RNF11: variants seen among roughly 807,000 people sequenced by gnomAD.
RNF11 encodes the protein ring finger protein 11.
In RNF11, 4 loss-of-function variants were observed where a neutral mutation model predicts 15.8. That is an observed-to-expected ratio of 0.25 (90% CI 0.12 to 0.58). RNF11 has a LOEUF of 0.58. Among genes scored for constraint, RNF11 ranks in the 20% least tolerant of loss-of-function variants. The probability of loss-of-function intolerance (pLI) is 0.91; values close to 1 mark genes in which losing one functional copy is unlikely to be tolerated. For missense variants in RNF11, 139 were observed against 194.4 expected (o/e 0.71, Z 1.70); for synonymous variants, 68 against 72.3 (o/e 0.94, Z 0.30).
intron 1 of RNF11, among the ~76,000 whole-genome samples, chr1:51,249,527 T>C (rs890691638): frequency 2.5e-4 from 38 of 152,226 alleles, no homozygotes; most frequent in African/African-American, 8.9e-4. Context: ...AAGGTAACTG[T>C]TGGTCCTTAT....
At chr1:51,247,421 G>A (rs554318482) in intron 1 of RNF11, among the ~76,000 whole-genome samples, 1 of 151,690 alleles carries the variant, frequency 6.6e-6, no homozygotes, top group South Asian at 2.1e-4. Flanking sequence ...GGTTCCTCAG[G>A]TTAAATGGAA....
At chr1:51,253,446 C>T (rs926441942) in intron 1 of RNF11, among the ~76,000 whole-genome samples, 2 of 151,278 alleles carry the variant, frequency 1.3e-5, no homozygotes. Flanking sequence ...TCACTTGAGC[C>T]CAGGAGCTCG....
At chr1:51,269,912 G>A (rs1381358133) in intron 1 of RNF11, 44 bp from the exon 2 acceptor site, 2 of 1,556,556 alleles carry the variant, frequency 1.3e-6, no homozygotes, top group African/African-American at 2.8e-5. Context: ...CCCTCGAAAG[G>A]TTTTTAAAAA....
At chr1:51,264,347 A>G (rs1646946050) in intron 1 of RNF11, among the ~76,000 whole-genome samples, 1 of 137,276 alleles carries the variant, frequency 7.3e-6, no homozygotes, top group Non-Finnish European at 1.5e-5. Flanking sequence ...CACATTTATC[A>G]GGAAGATAGA....
chr1:51,250,589 C>T, intron 1 of RNF11: 4 of 624,824 alleles, frequency 6.4e-6, no homozygotes, highest in Non-Finnish European at 1.1e-5. Context: ...TTTTCCTTGT[C>T]TAAAAACCCT....
chr1:51,265,455 T>C (rs911822178), intron 1 of RNF11, among the ~76,000 whole-genome samples: 1 of 152,240 alleles, frequency 6.6e-6, no homozygotes, highest in Non-Finnish European at 1.5e-5. Context: ...TTTTAAATTA[T>C]TCCTTTTCTC....
chr1:51,256,421 A>G (rs1292768546), intron 1 of RNF11, among the ~76,000 whole-genome samples: 1 of 152,244 alleles, frequency 6.6e-6, no homozygotes, highest in Non-Finnish European at 1.5e-5. Flanking sequence ...GTGCTGAATA[A>G]CATTCCATTT....
At chr1:51,239,169 C>T (rs918825981) in intron 1 of RNF11, among the ~76,000 whole-genome samples, 1 of 152,174 alleles carries the variant, frequency 6.6e-6, no homozygotes, top group South Asian at 2.1e-4. Context: ...CCTCCTATCC[C>T]CTTTCTTAAT....
intron 1 of RNF11, among the ~76,000 whole-genome samples, chr1:51,238,809 A>C (rs1646816442): frequency 6.6e-6 from 1 of 152,064 alleles, no homozygotes; most frequent in Non-Finnish European, 1.5e-5. Context: ...TGCTTACTGC[A>C]ACCTCCACCT....
At chr1:51,253,472 A>G (rs939956351) in intron 1 of RNF11, among the ~76,000 whole-genome samples, 1 of 150,442 alleles carries the variant, frequency 6.6e-6, no homozygotes, top group Admixed American at 6.7e-5. Context: ...ACAGTGAGAT[A>G]TGATCACACC....
intron 1 of RNF11, among the ~76,000 whole-genome samples, chr1:51,240,209 A>G (rs969414085): frequency 6.6e-6 from 1 of 152,164 alleles, no homozygotes; most frequent in African/African-American, 2.4e-5. Flanking sequence ...GTTTCCACGC[A>G]TGTCCCTTGA....
intron 1 of RNF11, chr1:51,251,145 A>G (rs1327543561): frequency 6.5e-6 from 10 of 1,547,480 alleles, no homozygotes; most frequent in Non-Finnish European, 8.8e-6. Context: ...CTGCGTCTGC[A>G]CTGGCATAAT....
rs188879008 is a variant in RNF11 at position 51,249,626 on chromosome 1, C to T, written c.123+12747C>T. ...ATTCTTTGTGAAATTTGTGTTCTTA[C>T]GTAATGGCAGTAGTTCACATTCTTT... is the stretch of plus-strand genomic sequence containing the variant. On this transcript the variant is annotated intron_variant, in intron 1 of 2. Coordinates refer to ENST00000242719, the MANE Select transcript of RNF11 (RefSeq NM_014372.5). Among the ~76,000 whole-genome samples, 4 of 151,844 alleles carry T rather than the reference C, an allele frequency of 2.6e-5. No homozygotes were observed. In the East Asian group the frequency reaches 7.7e-4, roughly 29 times the overall value.
Position 51,272,930 on chromosome 1 carries a change from C to T in RNF11, c.*1608C>T, listed in dbSNP as rs1386514676. The T allele has an allele frequency of 1.3e-5, 2 of 152,012 alleles. No individual in the cohort carries two copies. Among genetic ancestry groups the T allele is most frequent in the African/African-American group, 2.4e-5 (1 of 41,388 alleles). The allele number at this position is 152,012 out of a possible 1,614,324, so 9.4% of individuals were successfully genotyped here. The stretch of plus-strand genomic sequence containing the variant: ...AGATTTGACATTCAACTGTAGTATC[C>T]ATATGTTGCTTAAATTTCCTTATGA... On this transcript the variant is annotated 3_prime_UTR_variant, in exon 3 of 3. Coordinates refer to ENST00000242719, the MANE Select transcript of RNF11 (RefSeq NM_014372.5).
chr1:51,254,526 C>T (rs1286231708), intron 1 of RNF11, among the ~76,000 whole-genome samples: 2 of 152,042 alleles, frequency 1.3e-5, no homozygotes, highest in African/African-American at 4.8e-5. Context: ...GTGGCAGGAT[C>T]TCGGCTCACT....
At chr1:51,251,617 C>T (rs987389998) in intron 1 of RNF11, 10 of 509,718 alleles carry the variant, frequency 2.0e-5, no homozygotes, top group African/African-American at 4.0e-5. Context: ...CATTTACTAC[C>T]GTAAAGCATT....
Position 51,237,971 on chromosome 1 carries a change from T to C in RNF11, c.123+1092T>C, listed in dbSNP as rs78334692. ...CACACCAGAAAAACCTGATCATATA[T>C]ATGCTCGTTTTCTGAATAAAATTCT... On this transcript the variant is annotated intron_variant, in intron 1 of 2. Coordinates refer to ENST00000242719, the MANE Select transcript of RNF11 (RefSeq NM_014372.5). Among the ~76,000 whole-genome samples, 775 of 150,420 alleles carry C rather than the reference T, an allele frequency of 5.2e-3. 33 individuals are homozygous for C. In the East Asian group the frequency reaches 0.098, roughly 19 times the overall value.
chr1:51,249,593 A>G (rs1228997044), intron 1 of RNF11, among the ~76,000 whole-genome samples: 1 of 152,132 alleles, frequency 6.6e-6, no homozygotes, highest in Admixed American at 6.5e-5. Flanking sequence ...ACTGAATAAC[A>G]TTCTAGCATT....
chr1:51,259,659 G>A (rs1646921417), intron 1 of RNF11, among the ~76,000 whole-genome samples: 1 of 151,968 alleles, frequency 6.6e-6, no homozygotes, highest in Admixed American at 6.6e-5. Context: ...TTTGATTTTT[G>A]GTCATGAAAG....
Sources: gnomAD v4.1 joint callset for allele counts (sites outside exome capture counted in the v4.1 genomes callset) on GRCh38, gnomAD v4.1.1 for gene constraint, MANE v1.5 for transcripts, NCBI Gene and HGNC (gene_info 2026-07-23, HGNC 2026-07-21) for gene names.